The following KRT8 variants were observed in gnomAD, a reference collection of about 807,000 sequenced individuals.
KRT8 encodes the protein keratin, type II cytoskeletal 8.
In KRT8, 24 loss-of-function variants were observed where a neutral mutation model predicts 43.0. The observed-to-expected ratio is 0.56, with a 90% confidence interval of 0.40 to 0.78. The LOEUF is 0.78. KRT8 is among the 30% of genes least tolerant of loss of function. The pLI, the probability that KRT8 is intolerant of heterozygous loss-of-function variation, is 0.00. For synonymous variants in KRT8, 214 were observed against 261.2 expected, an observed-to-expected ratio of 0.82 and a Z score of 1.74; for missense variants, 492 against 638.4, an observed-to-expected ratio of 0.77 and a Z score of 2.47.
intron 2 of KRT8, chr12:52,946,484 C>CT (rs1385155675): frequency 3.9e-5 from 6 of 152,212 alleles, no homozygotes; most frequent in African/African-American, 1.2e-4. Context: ...ACAGGTCTTA[C>CT]TGTTTTCCCT....
chr12:52,897,401 T>G, exon 8 of KRT8: 1 of 1,588,498 alleles, frequency 6.3e-7, no homozygotes, highest in Non-Finnish European at 8.5e-7. Flanking sequence ...GCAGGAGGGG[T>G]AGGCTGGGAG....
intron 7 of KRT8, among the ~76,000 whole-genome samples, chr12:52,897,923 T>C (rs1013928019): frequency 2.0e-5 from 3 of 152,212 alleles, no homozygotes; most frequent in Non-Finnish European, 2.9e-5. Context: ...CAGTGTCTCA[T>C]GCCTGTAATC....
chr12:52,938,872 C>T (rs1384375395), intron 2 of KRT8, among the ~76,000 whole-genome samples: 1 of 152,094 alleles, frequency 6.6e-6, no homozygotes, highest in Non-Finnish European at 1.5e-5. Context: ...CCGCCTTGAC[C>T]TCCCAAAGTG....
At chr12:52,946,319 G>A (rs1026298387) in intron 2 of KRT8, among the ~76,000 whole-genome samples, 9 of 152,110 alleles carry the variant, frequency 5.9e-5, no homozygotes, top group Non-Finnish European at 1.2e-4. Context: ...CCCGTCTTTC[G>A]AATTAAATTG....
At chr12:52,926,936 CTGAATGAATGAATGAA>C (rs60430117) in intron 2 of KRT8, among the ~76,000 whole-genome samples, 9 of 150,464 alleles carry the variant, frequency 6.0e-5, no homozygotes, top group Non-Finnish European at 1.2e-4. Flanking sequence ...GTTTGATTCA[CTGAATGAATGAATGAA>C]TGAATGAATG....
chr12:52,918,209 A>AAGG (rs1565725739), intron 2 of KRT8, among the ~76,000 whole-genome samples: 18 of 113,448 alleles, frequency 1.6e-4, no homozygotes, highest in African/African-American at 4.4e-4. Context: ...GAAGAACAAG[A>AAGG]AGAAGAAGAA....
chr12:52,904,617 G>A, intron 1 of KRT8, 41 bp downstream of exon 1: 1 of 1,577,430 alleles, frequency 6.3e-7, no homozygotes, highest in Non-Finnish European at 8.7e-7. Context: ...CCAGGAGAAA[G>A]GGGCTGCGGG....
At chr12:52,945,439 G>A (rs1372280436) in intron 2 of KRT8, among the ~76,000 whole-genome samples, 1 of 152,214 alleles carries the variant, frequency 6.6e-6, no homozygotes. Context: ...CTCAGTTGCT[G>A]TTCCGAACAC....
At chr12:52,916,319 G>T (rs1386662555) in intron 2 of KRT8, among the ~76,000 whole-genome samples, 1 of 152,214 alleles carries the variant, frequency 6.6e-6, no homozygotes, top group African/African-American at 2.4e-5. Context: ...TGTGGTAGGA[G>T]CAGGAAGATA....
At chr12:52,923,281 CA>C (rs1421495903) in intron 2 of KRT8, among the ~76,000 whole-genome samples, 1 of 152,196 alleles carries the variant, frequency 6.6e-6, no homozygotes, top group East Asian at 1.9e-4. Flanking sequence ...GTTTGGAAAT[CA>C]AATAGCCTGT....
At chr12:52,937,763 A>G (rs542286371) in intron 2 of KRT8, among the ~76,000 whole-genome samples, 135 of 149,892 alleles carry the variant, frequency 9.0e-4, no homozygotes, top group Middle Eastern at 7.0e-3. Context: ...TTTGGAGGCC[A>G]AGGCAAGTGG....
intron 2 of KRT8, among the ~76,000 whole-genome samples, chr12:52,931,071 C>CTTT (rs796664998): frequency 7.5e-5 from 11 of 146,074 alleles, no homozygotes; most frequent in South Asian, 6.6e-4. Context: ...CCCCCAGATT[C>CTTT]TTTTTTTTTT....
In KRT8 at chr12:52,918,185, A is replaced by AAGAAGAAGAAGAAGAAGAAGAAGG. The variant is rs1565725582; in HGVS notation, c.-46-13159_-46-13158insCCTTCTTCTTCTTCTTCTTCTTCT. 2.4e-4 allele frequency among the ~76,000 whole-genome samples: 27 copies of AAGAAGAAGAAGAAGAAGAAGAAGG among 112,380 alleles called. 1 individual carries two copies. The highest frequency in any genetic ancestry group is 8.4e-4 in the African/African-American group (22 of 26,192). The allele number at this position is 112,380 out of a possible 152,430, so 73.7% of individuals were successfully genotyped here. On this transcript the variant is annotated intron_variant, in intron 2 of 6. Coordinates refer to the KRT8 transcript ENST00000546826. ...GAAGAAGAAGAAGAGGAAGAGGAAG[A>AAGAAGAAGAAGAAGAAGAAGAAGG]AGAAGAAGAAGAAGAAGAACAAGAA...
rs73297758 is a variant in KRT8 at position 52,920,134 on chromosome 12, C to T, written c.-46-15107G>A. Reference sequence around the variant, plus strand: ...TTTTATAGTCAGGATCCAATTATGTCCATTAAGAGATGTAATAATGTCAAT... The same window carrying T: ...TTTTATAGTCAGGATCCAATTATGTTCATTAAGAGATGTAATAATGTCAAT... On this transcript the variant is annotated intron_variant, in intron 2 of 6. Transcript: ENST00000546826. Among the ~76,000 whole-genome samples, 1,308 of 152,276 alleles carry T rather than the reference C, an allele frequency of 8.6e-3. 13 individuals are homozygous for T. The highest frequency in any genetic ancestry group is 0.03 in the African/African-American group (1,232 of 41,544).
chr12:52,917,233 A>T (rs1030420746), intron 2 of KRT8, among the ~76,000 whole-genome samples: 2 of 151,480 alleles, frequency 1.3e-5, no homozygotes, highest in Admixed American at 6.6e-5. Context: ...CTGGTAAAAA[A>T]ATATATATAT....
At chr12:52,898,731 G>C (rs549145981) in exon 6 of KRT8, 3 of 1,614,098 alleles carry the variant, frequency 1.9e-6, no homozygotes, top group Non-Finnish European at 2.5e-6. Flanking sequence ...TCGATGTCCA[G>C]GGCCAGCTTG....
At chr12:52,907,013 C>CACACA, upstream of KRT8, 1 of 275,894 alleles carries the variant, frequency 3.6e-6, no homozygotes, top group East Asian at 1.0e-4. Context: ...CACACACACA[C>CACACA]CCCACACATT....
chr12:52,910,164 G>T (rs1262735013), upstream of KRT8, among the ~76,000 whole-genome samples: 1 of 152,190 alleles, frequency 6.6e-6, no homozygotes, highest in African/African-American at 2.4e-5. Flanking sequence ...CTAGGCGGAA[G>T]GTCCCAGCTA....
chr12:52,911,211 G>T (rs1387536440), upstream of KRT8, among the ~76,000 whole-genome samples: 1 of 152,152 alleles, frequency 6.6e-6, no homozygotes, highest in Admixed American at 6.6e-5. Flanking sequence ...AATTAGCCGG[G>T]CGTGGTAGTG....
Sources: gnomAD v4.1 joint callset for allele counts (sites outside exome capture counted in the v4.1 genomes callset) on GRCh38, gnomAD v4.1.1 for gene constraint, MANE v1.5 for transcripts, NCBI Gene and HGNC (gene_info 2026-07-23, HGNC 2026-07-21) for gene names.